Variants in PRKG1 observed in about 807,000 individuals in gnomAD.
PRKG1 encodes the protein cGMP-dependent protein kinase 1.
A neutral mutation model predicts 88.1 loss-of-function variants in PRKG1; 35 were observed. The ratio of observed to expected loss-of-function variants is 0.40; its 90% confidence interval spans 0.30 to 0.53. PRKG1 has a LOEUF of 0.53. Among genes scored for constraint, PRKG1 ranks in the 20% least tolerant of loss-of-function variants. PRKG1 has a pLI of 0.59. For missense variants in PRKG1, 540 were observed against 839.8 expected, an observed-to-expected ratio of 0.64 and a Z score of 4.41; for synonymous variants, 303 against 292.5, an observed-to-expected ratio of 1.04 and a Z score of -0.37.
rs375271285 is a variant in PRKG1 at position 51,335,473 on chromosome 10, A to G, written c.479-132250A>G. On this transcript the variant is annotated intron_variant, in intron 2 of 17. Coordinates refer to ENST00000373980, the MANE Select transcript of PRKG1 (RefSeq NM_006258.4). ...TCCTCTGTCCCATTACAAGCTAGTC[A>G]TTATCTTCTTCTATATCAGAATTTA... Among the ~76,000 whole-genome samples, 184 of 152,264 alleles carry G rather than the reference A, an allele frequency of 1.2e-3. 1 individual carries two copies. Among genetic ancestry groups the G allele is most frequent in the African/African-American group, 4.1e-3 (172 of 41,556 alleles).
At chr10:51,864,021 G>A (rs77090503) in intron 4 of PRKG1, among the ~76,000 whole-genome samples, 13,501 of 152,212 alleles carry the variant, frequency 0.089, 742 homozygotes, top group African/African-American at 0.14. Flanking sequence ...TGCAATGTCA[G>A]CATCCTTCCC....
At chr10:51,926,712 T>C (rs1349328495) in intron 5 of PRKG1, among the ~76,000 whole-genome samples, 1 of 151,758 alleles carries the variant, frequency 6.6e-6, no homozygotes, top group Non-Finnish European at 1.5e-5. Context: ...TTTCCATAGT[T>C]ACGGCTTATT....
At chr10:51,363,402 G>A (rs774253838) in intron 2 of PRKG1, among the ~76,000 whole-genome samples, 3 of 151,872 alleles carry the variant, frequency 2.0e-5, no homozygotes, top group Non-Finnish European at 4.4e-5. Flanking sequence ...GCGAGGAGAA[G>A]ATTGTGAATA....
intron 2 of PRKG1, among the ~76,000 whole-genome samples, chr10:51,366,586 T>G (rs905292673): frequency 1.3e-5 from 2 of 151,968 alleles, no homozygotes; most frequent in Admixed American, 6.6e-5. Context: ...TCTATCTCTC[T>G]GTTAAGTTAA....
chr10:51,859,428 C>T (rs1233134924), intron 4 of PRKG1, among the ~76,000 whole-genome samples: 3 of 150,290 alleles, frequency 2.0e-5, no homozygotes, highest in South Asian at 2.1e-4. Context: ...CTATTAAATG[C>T]CCCCTTTATG....
At chr10:51,908,733 A>ATCATCTATCTATATAT (rs60587885) in intron 5 of PRKG1, 1 of 131,666 alleles carries the variant, frequency 7.6e-6, no homozygotes, top group African/African-American at 2.9e-5. Flanking sequence ...ATCTATATGT[A>ATCATCTATCTATATAT]ATTTTTTTTT....
intron 3 of PRKG1, among the ~76,000 whole-genome samples, chr10:51,747,646 T>A (rs1327665824): frequency 6.6e-6 from 1 of 152,212 alleles, no homozygotes; most frequent in African/African-American, 2.4e-5. Flanking sequence ...ATTCTTTGAT[T>A]TTTTTTCTTT....
chr10:51,725,940 A>G (rs939333385), intron 3 of PRKG1, among the ~76,000 whole-genome samples: 6 of 152,190 alleles, frequency 3.9e-5, no homozygotes, highest in African/African-American at 1.4e-4. Context: ...TGCCTGGCCA[A>G]AGAATTTCAA....
At chr10:51,597,333 C>T (rs1465899569) in intron 3 of PRKG1, among the ~76,000 whole-genome samples, 4 of 152,142 alleles carry the variant, frequency 2.6e-5, no homozygotes, top group Non-Finnish European at 5.9e-5. Flanking sequence ...TTTAATCACA[C>T]ACACTTACCA....
chr10:51,031,020 A>G (rs960783366), intron 1 of PRKG1, among the ~76,000 whole-genome samples: 9 of 152,176 alleles, frequency 5.9e-5, no homozygotes, highest in Non-Finnish European at 8.8e-5. Context: ...AGAGATTCCT[A>G]TGGAGAAAGG....
At chr10:52,070,971 T>C (rs1221171606) in intron 7 of PRKG1, among the ~76,000 whole-genome samples, 1 of 152,188 alleles carries the variant, frequency 6.6e-6, no homozygotes, top group Non-Finnish European at 1.5e-5. Flanking sequence ...TTTGTAAAAG[T>C]AGAATAATAG....
At chr10:52,199,807 T>A (rs2132772150) in intron 9 of PRKG1, among the ~76,000 whole-genome samples, 1 of 152,284 alleles carries the variant, frequency 6.6e-6, no homozygotes, top group Admixed American at 6.5e-5. Flanking sequence ...AAAGTATTTG[T>A]GCTAGGACAA....
chr10:51,413,565 T>C (rs1838160658), intron 2 of PRKG1, among the ~76,000 whole-genome samples: 1 of 152,084 alleles, frequency 6.6e-6, no homozygotes, highest in Admixed American at 6.5e-5. Context: ...TTCACCATGA[T>C]GGCCAGACTG....
intron 3 of PRKG1, among the ~76,000 whole-genome samples, chr10:51,472,834 G>C (rs1277214388): frequency 6.6e-6 from 1 of 151,932 alleles, no homozygotes; most frequent in Non-Finnish European, 1.5e-5. Flanking sequence ...GGGCTAATGA[G>C]ACAGTCTCTG....
chr10:51,202,838 T>G, intron 2 of PRKG1, among the ~76,000 whole-genome samples: 1 of 152,228 alleles, frequency 6.6e-6, no homozygotes, highest in Non-Finnish European at 1.5e-5. Context: ...AAGGTGTTTA[T>G]TTTTAATTTG....
intron 3 of PRKG1, among the ~76,000 whole-genome samples, chr10:51,642,845 C>G (rs184775449): frequency 9.2e-5 from 14 of 152,154 alleles, no homozygotes; most frequent in Non-Finnish European, 1.9e-4. Context: ...TGTCTGGAAA[C>G]GCTGGATTTC....
chr10:51,285,895 C>G (rs1340844467), intron 2 of PRKG1, among the ~76,000 whole-genome samples: 1 of 152,192 alleles, frequency 6.6e-6, no homozygotes. Flanking sequence ...TAGGAGGAAC[C>G]TAAGGACCCA....
At chr10:51,845,652 T>C (rs1158915786) in intron 4 of PRKG1, among the ~76,000 whole-genome samples, 1 of 152,202 alleles carries the variant, frequency 6.6e-6, no homozygotes, top group African/African-American at 2.4e-5. Flanking sequence ...AGACTTTTTT[T>C]ATGTGTTAAA....
At chr10:51,684,407 T>A (rs1223992465) in intron 3 of PRKG1, among the ~76,000 whole-genome samples, 1 of 152,068 alleles carries the variant, frequency 6.6e-6, no homozygotes, top group Non-Finnish European at 1.5e-5. Flanking sequence ...TGGTGGTGGC[T>A]GCACAACTCT....
Sources: gnomAD v4.1 joint callset for allele counts (sites outside exome capture counted in the v4.1 genomes callset) on GRCh38, gnomAD v4.1.1 for gene constraint, MANE v1.5 for transcripts, NCBI Gene and HGNC (gene_info 2026-07-23, HGNC 2026-07-21) for gene names.